WDFY4: variants seen among roughly 807,000 people sequenced by gnomAD.
The protein encoded by WDFY4 is WD repeat- and FYVE domain-containing protein 4.
In WDFY4, 169 loss-of-function variants were observed where a neutral mutation model predicts 351.9. The ratio of observed to expected loss-of-function variants is 0.48; its 90% confidence interval spans 0.42 to 0.55. The LOEUF is 0.55. WDFY4 is among the 20% of genes least tolerant of loss of function. WDFY4 has a pLI of 0.00. For missense variants in WDFY4, 3,803 were observed against 3,935.6 expected, an observed-to-expected ratio of 0.97 and a Z score of 0.90; for synonymous variants, 1,622 against 1,574.6, an observed-to-expected ratio of 1.03 and a Z score of -0.71.
At chr10:48,759,540 C>T (rs945372647) in intron 12 of WDFY4, among the ~76,000 whole-genome samples, 3 of 152,150 alleles carry the variant, frequency 2.0e-5, no homozygotes, top group African/African-American at 7.2e-5. Flanking sequence ...TAGAGTCTGC[C>T]TGGCTGCTGC....
intron 57 of WDFY4, among the ~76,000 whole-genome samples, chr10:48,971,234 C>T (rs908048438): frequency 3.3e-5 from 5 of 152,176 alleles, no homozygotes; most frequent in African/African-American, 4.8e-5. Context: ...AAATCACTCA[C>T]GCCTGTAATA....
intron 42 of WDFY4, among the ~76,000 whole-genome samples, chr10:48,876,732 C>A (rs191816025): frequency 2.0e-5 from 3 of 152,148 alleles, no homozygotes; most frequent in Non-Finnish European, 4.4e-5. Flanking sequence ...TACTGACTAA[C>A]GAGGGTGAAT....
At chr10:48,785,396 C>T (rs142050070) in intron 19 of WDFY4, among the ~76,000 whole-genome samples, 7 of 152,076 alleles carry the variant, frequency 4.6e-5, no homozygotes, top group Non-Finnish European at 1.0e-4. Flanking sequence ...CTTTTGGTGT[C>T]GTTTGAGAAT....
chr10:48,857,836 A>G (rs1260322548), intron 39 of WDFY4, among the ~76,000 whole-genome samples: 4 of 151,754 alleles, frequency 2.6e-5, no homozygotes, highest in Admixed American at 2.6e-4. Flanking sequence ...CTTGTTGCCC[A>G]GGCTGGAGTG....
rs1444678462 is a variant in WDFY4, at chr10:48,873,678, T to C, written c.6929T>C (p.Leu2310Pro). Residue 2310 changes from leucine to proline, a missense_variant, in exon 41 of 62, where the codon CTG becomes CCG. Physicochemically the swap from Leu to Pro is moderately conservative, Grantham distance 98 (BLOSUM62 -3). Coordinates refer to ENST00000325239, the MANE Select transcript of WDFY4 (RefSeq NM_001394531.1). ...AAACGCTTGTCTCCTTTGGAGGCCCTGAGCTCAGGAAGGCACAAGGTAGGA... is the reference window on the plus strand; with the variant it reads ...AAACGCTTGTCTCCTTTGGAGGCCCCGAGCTCAGGAAGGCACAAGGTAGGA... ...RIKRLSPLEALSSGRHKESQD... is the reference protein window; with the variant it reads ...RIKRLSPLEAPSSGRHKESQD... 1.9e-6 allele frequency: 3 copies of C among 1,551,722 alleles called. No individual in the cohort carries two copies. The highest frequency in any genetic ancestry group is 2.6e-6 in the Non-Finnish European group (3 of 1,147,038).
In WDFY4 at chr10:48,731,360, C is replaced by G; in HGVS notation, c.1380C>G (p.His460Gln). 6.4e-7 allele frequency: 1 copy of G among 1,551,792 alleles called. No homozygotes were observed. Among genetic ancestry groups the G allele is most frequent in the Non-Finnish European group, 8.7e-7 (1 of 1,147,006 alleles). ...TAGAGGCCCTGGTGTTCGAGCTGCA[C>G]TACGTGCCTCATGAGATCCTGCGAA... Reference protein sequence around the residue: ...QLLEALVFELHYVPHEILRKV... With the variant: ...QLLEALVFELQYVPHEILRKV... The change falls in exon 9 of 62, where the codon CAC becomes CAG. Residue 460 changes from histidine (H) to glutamine (Q), a missense_variant. His to Gln is a conservative substitution (Grantham distance 24). Coordinates refer to ENST00000325239, the MANE Select transcript of WDFY4 (RefSeq NM_001394531.1).
chr10:48,912,533 T>C (rs955041495), intron 47 of WDFY4, among the ~76,000 whole-genome samples: 4 of 152,202 alleles, frequency 2.6e-5, no homozygotes, highest in Non-Finnish European at 1.5e-5. Context: ...ACAGTGGTGC[T>C]CTGCCCCATC....
intron 19 of WDFY4, among the ~76,000 whole-genome samples, chr10:48,783,684 C>T (rs931238667): frequency 2.0e-5 from 3 of 152,082 alleles, no homozygotes; most frequent in African/African-American, 4.8e-5. Flanking sequence ...AATAGTGTGG[C>T]CTCGAAGTAT....
chr10:48,828,636 G>T (rs981736962), intron 36 of WDFY4, 142 bp from the exon 37 acceptor site: 5 of 538,480 alleles, frequency 9.3e-6, no homozygotes, highest in Middle Eastern at 4.8e-4. Context: ...TAAAGTGTTT[G>T]CTTTAATTTG....
At chr10:48,698,053 G>A (rs1444078033) in intron 1 of WDFY4, among the ~76,000 whole-genome samples, 1 of 152,184 alleles carries the variant, frequency 6.6e-6, no homozygotes, top group Non-Finnish European at 1.5e-5. Flanking sequence ...CTCCGAGGAG[G>A]GGATGCGTTG....
At chr10:48,779,712 G>A (rs1683830862) in intron 18 of WDFY4, among the ~76,000 whole-genome samples, 1 of 152,204 alleles carries the variant, frequency 6.6e-6, no homozygotes, top group African/African-American at 2.4e-5. Context: ...ACAGGGCTGT[G>A]AACATGACAT....
At position 48,826,660 on chromosome 10, in the gene WDFY4, T is replaced by A. The variant is rs2068021529; in HGVS notation, c.5983-11T>A. 6.5e-7 allele frequency: 1 copy of A among 1,537,452 alleles called. No individual in the cohort carries two copies. Among genetic ancestry groups the A allele is most frequent in the African/African-American group, 1.4e-5 (1 of 72,824 alleles). The stretch of plus-strand genomic sequence containing the variant: ...AAGTTTGTGTATGTGTATGTTTTTT[T>A]AATGACACAGGTCATTGAGACTGCC... On this transcript the variant is annotated splice_polypyrimidine_tract_variant and intron_variant, in intron 35 of 61. Coordinates refer to ENST00000325239, the MANE Select transcript of WDFY4 (RefSeq NM_001394531.1).
intron 42 of WDFY4, among the ~76,000 whole-genome samples, chr10:48,876,274 A>G (rs564969998): frequency 6.6e-6 from 1 of 152,378 alleles, no homozygotes; most frequent in East Asian, 1.9e-4. Flanking sequence ...TAATGAAAGT[A>G]AATGGACCAA....
chr10:48,765,439 C>A (rs942458274), intron 13 of WDFY4, among the ~76,000 whole-genome samples: 1 of 152,186 alleles, frequency 6.6e-6, no homozygotes, highest in South Asian at 2.1e-4. Flanking sequence ...GTGAGGATTA[C>A]ATGGAGCAAT....
intron 39 of WDFY4, among the ~76,000 whole-genome samples, chr10:48,840,561 G>A (rs1425254731): frequency 1.3e-5 from 2 of 151,820 alleles, no homozygotes; most frequent in African/African-American, 2.4e-5. Context: ...CATTGTGCAA[G>A]CAATTGACAT....
rs1185923523 is a variant in WDFY4 at position 48,982,657 on chromosome 10, C to T, written c.*82C>T. 7.1e-7 allele frequency: 1 copy of T among 1,398,928 alleles called. No homozygotes were observed. Among genetic ancestry groups the T allele is most frequent in the South Asian group, 1.2e-5 (1 of 80,534 alleles). 86.7% of individuals were successfully genotyped at this position (1,398,928 alleles called of 1,614,324 possible). A position where few individuals can be genotyped will look rare whatever the true frequency, so the allele number is the denominator to read the frequency against. On this transcript the variant is annotated 3_prime_UTR_variant, in exon 62 of 62. Transcript: ENST00000325239. The stretch of plus-strand genomic sequence containing the variant: ...GTGACTGGGGCCTGAGCTCTGCCTA[C>T]AGAAGAAACCCCCAGGGCCTCCTTC...
rs1422609732 is a variant in WDFY4, at chr10:48,743,106, T to G, written c.2017T>G (p.Ser673Ala). 4 of 1,551,602 alleles carry G rather than the reference T, an allele frequency of 2.6e-6. No homozygotes were observed. In the East Asian group the frequency reaches 9.8e-5, roughly 38 times the overall value. Residue 673 changes from serine to alanine, a missense_variant, in exon 12 of 62, where the codon TCC becomes GCC. By Grantham distance (99) the Ser-to-Ala change is moderately conservative. This residue lies in a region of WDFY4 where 3,054 missense variants were observed against 3,148.6 expected (regional missense o/e 0.97). Transcript: ENST00000325239. ...EPPLQAWGAV[S>A]PRQTLELVLY... The stretch of plus-strand genomic sequence containing the variant: ...CCCGCTGCAGGCATGGGGAGCAGTA[T>G]CCCCCAGACAGACCCTGGAGCTGGT...
intron 47 of WDFY4, among the ~76,000 whole-genome samples, chr10:48,919,114 A>T (rs1838817998): frequency 6.6e-6 from 1 of 152,200 alleles, no homozygotes; most frequent in African/African-American, 2.4e-5. Flanking sequence ...TTGAAATTGT[A>T]CAAAAAAGTA....
In WDFY4 at chr10:48,782,928, G is replaced by C. The variant is rs182614411; in HGVS notation, c.3576+2809G>C. On this transcript the variant is annotated intron_variant, in intron 19 of 61. Transcript: ENST00000325239. ...GACAGGAGCAAGGTGGGTTGGAGGG[G>C]TGAGTGGTGCTTCAGTGTGGGAGAG... is the stretch of plus-strand genomic sequence containing the variant. Among the ~76,000 whole-genome samples, 534 of 152,306 alleles carry C rather than the reference G, an allele frequency of 3.5e-3. 4 individuals carry two copies. The highest frequency in any genetic ancestry group is 4.6e-3 in the Non-Finnish European group (312 of 68,026).
Sources: allele counts gnomAD v4.1 joint callset (sites outside exome capture counted in the v4.1 genomes callset), GRCh38; gene constraint gnomAD v4.1.1; regional missense constraint gnomAD v4.1.1; transcripts MANE v1.5; gene names NCBI Gene and HGNC (gene_info 2026-07-23, HGNC 2026-07-21).